Variants in NOMO1 observed in about 807,000 individuals in gnomAD.
The protein encoded by NOMO1 is NODAL modulator 1.
In NOMO1, 40 loss-of-function variants were observed where a neutral mutation model predicts 133.8. The observed-to-expected ratio is 0.30, with a 90% confidence interval of 0.23 to 0.39. NOMO1 has a LOEUF of 0.39. Among genes scored for constraint, NOMO1 ranks in the 10% least tolerant of loss-of-function variants. The probability of loss-of-function intolerance (pLI) is 1.00; values close to 1 mark genes in which losing one functional copy is unlikely to be tolerated. For synonymous variants in NOMO1, 236 were observed against 570.5 expected (o/e 0.41, Z 8.36); for missense variants, 462 against 1,419.9 (o/e 0.33, Z 10.84).
chr16:14,835,335 G>A, intron 1 of NOMO1, among the ~76,000 whole-genome samples: 1 of 151,240 alleles, frequency 6.6e-6, no homozygotes, highest in Non-Finnish European at 1.5e-5. Context: ...AGGATTTCCT[G>A]GGTACATGTT....
At chr16:14,859,322 C>T (rs906469758) in intron 11 of NOMO1, among the ~76,000 whole-genome samples, 5 of 151,974 alleles carry the variant, frequency 3.3e-5, no homozygotes, top group Non-Finnish European at 7.4e-5. Flanking sequence ...TCAAGGAGTC[C>T]AGTGGTGAAT....
chr16:14,873,206 G>A (rs1358732607), intron 18 of NOMO1, among the ~76,000 whole-genome samples: 1 of 100,912 alleles, frequency 9.9e-6, no homozygotes, highest in African/African-American at 2.7e-5. Context: ...TGCAGGACAG[G>A]TAGGCTGCGG....
rs1223378371 is a variant in NOMO1, at chr16:14,892,351, G to A, written c.3445-2647G>A. On this transcript the variant is annotated intron_variant, in intron 29 of 30. Transcript: ENST00000287667. ...GCTGGGAGAGGCTTCTGTGAAGGCC[G>A]TTGATAGCTGCAGGCAGTGACATTC... Among the ~76,000 whole-genome samples, 3 of 151,944 alleles carry A rather than the reference G, an allele frequency of 2.0e-5. No individual in the cohort carries two copies. In the East Asian group the frequency reaches 5.8e-4, roughly 29 times the overall value.
At chr16:14,892,541 C>G (rs2151013556) in intron 29 of NOMO1, among the ~76,000 whole-genome samples, 1 of 151,222 alleles carries the variant, frequency 6.6e-6, no homozygotes, top group South Asian at 2.1e-4. Flanking sequence ...TGTGATGTTC[C>G]CCTTCCTGTA....
Position 14,854,941 on chromosome 16 carries a change from G to T in NOMO1, c.963+915G>T, listed in dbSNP as rs1279060558. Among the ~76,000 whole-genome samples, 7 of 145,758 alleles carry T rather than the reference G, an allele frequency of 4.8e-5. No homozygotes were observed. The East Asian group carries it at 1.0e-3, about 22-fold the overall frequency. ...GGTCCTGAGGCAGGAGTGTGCTGAA[G>T]GGTTTGGGGCATCCCAAGGAGGCCA... On this transcript the variant is annotated intron_variant, in intron 9 of 30. Coordinates refer to ENST00000287667, the MANE Select transcript of NOMO1 (RefSeq NM_014287.4).
intron 2 of NOMO1, among the ~76,000 whole-genome samples, chr16:14,839,491 C>T (rs1381010249): frequency 6.6e-6 from 1 of 151,968 alleles, no homozygotes; most frequent in Non-Finnish European, 1.5e-5. Context: ...TATCCACAAA[C>T]ACCTCTATAC....
intron 26 of NOMO1, 22 bp from the exon 27 acceptor site, chr16:14,884,350 T>C (rs2301207): frequency 0.59 from 506,569 of 856,346 alleles, 212,776 homozygotes; most frequent in Admixed American, 0.81. Flanking sequence ...TCATTACTGG[T>C]ATTCCCTCTT....
intron 27 of NOMO1, among the ~76,000 whole-genome samples, 178 bp downstream of exon 27, chr16:14,884,660 G>A (rs544749573): frequency 1.6e-4 from 24 of 152,048 alleles, no homozygotes; most frequent in Admixed American, 8.5e-4. Context: ...ACCACAACAC[G>A]TATTTGGGAG....
intron 29 of NOMO1, among the ~76,000 whole-genome samples, chr16:14,892,914 G>C (rs1474414111): frequency 9.6e-6 from 1 of 104,066 alleles, no homozygotes; most frequent in East Asian, 2.7e-4. Flanking sequence ...CGTTCACGGG[G>C]GCTTTGTAAG....
At chr16:14,866,470 A>T (rs1361457649) in intron 14 of NOMO1, 85 bp from the exon 15 acceptor site, 2 of 1,608,300 alleles carry the variant, frequency 1.2e-6, no homozygotes, top group Non-Finnish European at 1.7e-6. Context: ...AAAATTGATT[A>T]ATTCATGATC....
At chr16:14,859,720 AAAAAT>A (rs1269997609) in intron 11 of NOMO1, among the ~76,000 whole-genome samples, 2 of 152,152 alleles carry the variant, frequency 1.3e-5, no homozygotes, top group African/African-American at 4.8e-5. Flanking sequence ...ATAAAAATTA[AAAAAT>A]AAAATAACAA....
chr16:14,884,644 C>A (rs1964295534), intron 27 of NOMO1, among the ~76,000 whole-genome samples, 162 bp downstream of exon 27: 1 of 151,878 alleles, frequency 6.6e-6, no homozygotes, highest in Non-Finnish European at 1.5e-5. Context: ...GATTTAAGAA[C>A]CTTGGACCAC....
intron 11 of NOMO1, among the ~76,000 whole-genome samples, chr16:14,859,843 C>T (rs1307158142): frequency 1.3e-5 from 2 of 152,034 alleles, no homozygotes; most frequent in African/African-American, 4.8e-5. Flanking sequence ...AGAGTGGGAG[C>T]TCTGCAAGGC....
chr16:14,837,381 C>T (rs1310617911), intron 1 of NOMO1, among the ~76,000 whole-genome samples: 1 of 152,078 alleles, frequency 6.6e-6, no homozygotes, highest in African/African-American at 2.4e-5. Flanking sequence ...TCTGTACAAC[C>T]ACATGAAAAG....
At chr16:14,878,865 G>C in intron 23 of NOMO1, 31 bp downstream of exon 23, 1 of 1,604,022 alleles carries the variant, frequency 6.2e-7, no homozygotes, top group East Asian at 2.2e-5. Context: ...CCACCTGCCT[G>C]TCTTCCCTGA....
chr16:14,854,932 T>G, intron 9 of NOMO1, among the ~76,000 whole-genome samples: 2 of 140,926 alleles, frequency 1.4e-5, no homozygotes, highest in Admixed American at 7.1e-5. Context: ...GAGGCAGGAG[T>G]GTGCTGAAGG....
intron 9 of NOMO1, among the ~76,000 whole-genome samples, chr16:14,856,074 G>A (rs1281592261): frequency 3.3e-5 from 5 of 152,156 alleles, no homozygotes; most frequent in East Asian, 1.9e-4. Flanking sequence ...GCACACGTGC[G>A]TGCACACATT....
chr16:14,885,371 C>G (rs969201229), intron 27 of NOMO1, among the ~76,000 whole-genome samples: 2 of 151,862 alleles, frequency 1.3e-5, no homozygotes, highest in Non-Finnish European at 2.9e-5. Context: ...TCTGCAAAAC[C>G]TAGATTTTGG....
At chr16:14,839,443 C>T (rs2606861) in intron 2 of NOMO1, among the ~76,000 whole-genome samples, 8 of 152,194 alleles carry the variant, frequency 5.3e-5, no homozygotes, top group Admixed American at 2.6e-4. Context: ...CATATGTATA[C>T]ATGGAAATAC....
Sources: gnomAD v4.1 joint callset for allele counts (sites outside exome capture counted in the v4.1 genomes callset) on GRCh38, gnomAD v4.1.1 for gene constraint, MANE v1.5 for transcripts, NCBI Gene and HGNC (gene_info 2026-07-23, HGNC 2026-07-21) for gene names.